SNTB1: variants seen among roughly 807,000 people sequenced by gnomAD.
SNTB1 encodes the protein beta-1-syntrophin.
A neutral mutation model predicts 48.9 loss-of-function variants in SNTB1; 36 were observed. The ratio of observed to expected loss-of-function variants is 0.74; its 90% confidence interval spans 0.56 to 0.97. The LOEUF (loss-of-function observed/expected upper bound fraction) is 0.97. SNTB1 is among the 50% of genes least tolerant of loss of function. The pLI, the probability that SNTB1 is intolerant of heterozygous loss-of-function variation, is 0.00. For missense variants in SNTB1, 786 were observed against 703.4 expected (o/e 1.12, Z -1.33); for synonymous variants, 299 against 294.6 (o/e 1.01, Z -0.15).
intron 2 of SNTB1, among the ~76,000 whole-genome samples, chr8:120,662,175 G>T (rs1335754979): frequency 2.6e-5 from 4 of 151,844 alleles, no homozygotes; most frequent in Non-Finnish European, 5.9e-5. Context: ...AAATAAATCA[G>T]CTACCCACAA....
chr8:120,554,653 A>G (rs75675431), intron 4 of SNTB1, among the ~76,000 whole-genome samples: 4,665 of 152,268 alleles, frequency 0.031, 268 homozygotes, highest in African/African-American at 0.11. Context: ...TGAGAAACAC[A>G]TTTATTTCAT....
At chr8:120,674,947 G>T (rs1343871029) in intron 2 of SNTB1, among the ~76,000 whole-genome samples, 1 of 152,212 alleles carries the variant, frequency 6.6e-6, no homozygotes, top group Non-Finnish European at 1.5e-5. Flanking sequence ...ATTTGGTTAT[G>T]CTACAGTTAC....
intron 2 of SNTB1, among the ~76,000 whole-genome samples, chr8:120,668,664 G>T (rs1374894574): frequency 1.3e-5 from 2 of 152,122 alleles, no homozygotes; most frequent in African/African-American, 2.4e-5. Context: ...AATTGGAAGG[G>T]ACCAATTATA....
chr8:120,788,121 C>A (rs1443496329), intron 1 of SNTB1, among the ~76,000 whole-genome samples: 1 of 152,080 alleles, frequency 6.6e-6, no homozygotes, highest in Non-Finnish European at 1.5e-5. Flanking sequence ...CTGCATCCAG[C>A]AAAACTAAAT....
intron 1 of SNTB1, among the ~76,000 whole-genome samples, chr8:120,766,626 A>G (rs896232535): frequency 6.6e-6 from 1 of 152,178 alleles, no homozygotes; most frequent in Non-Finnish European, 1.5e-5. Context: ...GCAATACCAA[A>G]TTGAATAAGA....
At chr8:120,783,522 A>G (rs1162238652) in intron 1 of SNTB1, among the ~76,000 whole-genome samples, 3 of 152,204 alleles carry the variant, frequency 2.0e-5, no homozygotes, top group African/African-American at 7.2e-5. Flanking sequence ...TCTTATGGAA[A>G]AAGTTTTCTC....
chr8:120,691,320 C>T (rs12679633), intron 2 of SNTB1, among the ~76,000 whole-genome samples: 8,527 of 152,226 alleles, frequency 0.056, 672 homozygotes, highest in East Asian at 0.38. Context: ...TTAACTGACA[C>T]TGTCACCCAT....
chr8:120,561,699 G>A (rs1480885214), intron 4 of SNTB1, among the ~76,000 whole-genome samples: 1 of 152,184 alleles, frequency 6.6e-6, no homozygotes, highest in Non-Finnish European at 1.5e-5. Context: ...GTATGGTAAT[G>A]ACTAAAATCA....
chr8:120,709,325 A>G (rs973548462), intron 1 of SNTB1, among the ~76,000 whole-genome samples: 4 of 152,192 alleles, frequency 2.6e-5, no homozygotes, highest in African/African-American at 9.6e-5. Context: ...AAATATGGGA[A>G]GAAATACAGG....
intron 1 of SNTB1, among the ~76,000 whole-genome samples, chr8:120,783,876 A>G (rs943484611): frequency 9.2e-5 from 14 of 152,252 alleles, no homozygotes; most frequent in African/African-American, 2.9e-4. Flanking sequence ...ATAATACAGT[A>G]TAAGAACAAT....
chr8:120,541,547 A>G (rs1398999076), intron 6 of SNTB1, among the ~76,000 whole-genome samples: 2 of 152,182 alleles, frequency 1.3e-5, no homozygotes, highest in Non-Finnish European at 2.9e-5. Flanking sequence ...GTGAGACCCT[A>G]TTTGATAAGA....
chr8:120,775,177 G>A (rs923722874), intron 1 of SNTB1: 3 of 152,188 alleles, frequency 2.0e-5, no homozygotes, highest in African/African-American at 7.2e-5. Flanking sequence ...TCTTCTTTGT[G>A]TTTTGAGGGG....
intron 2 of SNTB1, among the ~76,000 whole-genome samples, chr8:120,682,236 C>A (rs796789299): frequency 1.4e-4 from 22 of 152,094 alleles, no homozygotes; most frequent in African/African-American, 5.3e-4. Context: ...TTAATAAATT[C>A]CCATTGCTTT....
intron 4 of SNTB1, among the ~76,000 whole-genome samples, chr8:120,550,019 A>G (rs1481742409): frequency 6.6e-6 from 1 of 152,210 alleles, no homozygotes; most frequent in African/African-American, 2.4e-5. Context: ...AATTGCACAG[A>G]GGAAATACAA....
At chr8:120,790,298 T>G (rs1820006404) in intron 1 of SNTB1, among the ~76,000 whole-genome samples, 1 of 151,582 alleles carries the variant, frequency 6.6e-6, no homozygotes, top group Non-Finnish European at 1.5e-5. Flanking sequence ...TGGGAAAAAA[T>G]GGAAAGCATT....
chr8:120,619,804 T>C (rs1162660994), intron 3 of SNTB1, among the ~76,000 whole-genome samples: 4 of 150,182 alleles, frequency 2.7e-5, no homozygotes, highest in Admixed American at 6.6e-5. Flanking sequence ...GAGGCCCAGA[T>C]AACCCCCTCT....
At chr8:120,617,104 C>T (rs1424770736) in intron 3 of SNTB1, among the ~76,000 whole-genome samples, 1 of 152,124 alleles carries the variant, frequency 6.6e-6, no homozygotes, top group Non-Finnish European at 1.5e-5. Flanking sequence ...AGTTTTTTTG[C>T]AATTTTAAAA....
At position 120,693,682 on chromosome 8, in the gene SNTB1, C is replaced by T. The variant is rs1818163670; in HGVS notation, c.788+10G>A. ...TGCTTGATACAGTGGAGAGTTTTGA[C>T]CCTATTTACCTGTTCTCAGGGTCGG... On this transcript the variant is annotated intron_variant, in intron 2 of 6. Transcript: ENST00000517992. The T allele has an allele frequency of 4.3e-6, 7 of 1,612,760 alleles. No homozygotes were observed. In the Middle Eastern group the frequency reaches 9.9e-4, roughly 229 times the overall value.
chr8:120,568,056 G>A (rs1335067715), intron 4 of SNTB1, among the ~76,000 whole-genome samples: 1 of 152,142 alleles, frequency 6.6e-6, no homozygotes, highest in Non-Finnish European at 1.5e-5. Flanking sequence ...GTCACTTGTT[G>A]AACTTAGATA....
Sources: gnomAD v4.1 joint callset for allele counts (sites outside exome capture counted in the v4.1 genomes callset) on GRCh38, gnomAD v4.1.1 for gene constraint, MANE v1.5 for transcripts, NCBI Gene and HGNC (gene_info 2026-07-23, HGNC 2026-07-21) for gene names.